Variants in RARB observed in about 807,000 individuals in gnomAD.
The protein encoded by RARB is retinoic acid receptor beta.
Under a neutral mutation model 51.9 loss-of-function variants are expected in RARB, and 17 were observed. That is an observed-to-expected ratio of 0.33 (90% confidence interval 0.22 to 0.49). RARB has a LOEUF of 0.49. RARB is among the 20% of genes least tolerant of loss of function. The pLI is 0.99. For synonymous variants in RARB, 215 were observed against 195.4 expected, an observed-to-expected ratio of 1.10 and a Z score of -0.84; for missense variants, 369 against 550.8, an observed-to-expected ratio of 0.67 and a Z score of 3.30.
intron 2 of RARB, among the ~76,000 whole-genome samples, chr3:25,017,378 T>TAAA (rs531591035): frequency 0.13 from 18,721 of 147,416 alleles, 3,838 homozygotes; most frequent in African/African-American, 0.43. Flanking sequence ...TCATCATGTT[T>TAAA]AAAAAAAAAA....
intron 2 of RARB, among the ~76,000 whole-genome samples, chr3:24,994,556 A>G (rs1696981280): frequency 6.6e-6 from 1 of 152,068 alleles, no homozygotes; most frequent in Admixed American, 6.6e-5. Context: ...GGTCTTACTC[A>G]TAAAATCATT....
At chr3:25,353,489 T>C (rs781596984) in intron 5 of RARB, among the ~76,000 whole-genome samples, 2 of 152,158 alleles carry the variant, frequency 1.3e-5, no homozygotes, top group Non-Finnish European at 2.9e-5. Context: ...TCTTGTCTTA[T>C]CTGAGTCCAG....
chr3:25,011,167 T>C (rs1022943996), intron 2 of RARB, among the ~76,000 whole-genome samples: 2 of 152,152 alleles, frequency 1.3e-5, no homozygotes, highest in African/African-American at 4.8e-5. Flanking sequence ...AAATCCCTGC[T>C]TTTATGGAAC....
At chr3:25,146,324 G>A (rs1700188929) in intron 4 of RARB, among the ~76,000 whole-genome samples, 1 of 152,048 alleles carries the variant, frequency 6.6e-6, no homozygotes, top group South Asian at 2.1e-4. Flanking sequence ...TTGGGGCTAT[G>A]GGGGGACCAC....
intron 5 of RARB, among the ~76,000 whole-genome samples, chr3:25,251,555 A>G (rs765851080): frequency 1.3e-5 from 2 of 152,100 alleles, no homozygotes. Context: ...TATCCATCCT[A>G]GTGTGTGTGA....
At chr3:25,081,663 A>C (rs1395753649) in intron 3 of RARB, among the ~76,000 whole-genome samples, 15 of 83,898 alleles carry the variant, frequency 1.8e-4, no homozygotes, top group East Asian at 4.0e-4. Context: ...ATGGAGTCTC[A>C]CTCTTGTTGC....
At position 25,105,758 on chromosome 3, in the gene RARB, A is replaced by G. The variant is rs1319372809; in HGVS notation, c.-327-26403A>G. On this transcript the variant is annotated intron_variant, in intron 3 of 11. Transcript: ENST00000383772. ...ATAGCCTGGCCAGTCTAAATCACAA[A>G]TGCACATTTGATGGTATAAGCATTG... is the stretch of plus-strand genomic sequence containing the variant. Among the ~76,000 whole-genome samples the G allele has an allele frequency of 6.6e-5, 10 of 152,312 alleles. 1 individual carries two copies. The highest frequency in any genetic ancestry group is 2.9e-5 in the Non-Finnish European group (2 of 68,030).
At chr3:25,469,192 A>G (rs1324922879) in intron 2 of RARB, among the ~76,000 whole-genome samples, 12 of 152,248 alleles carry the variant, frequency 7.9e-5, no homozygotes, top group African/African-American at 2.9e-4. Context: ...GGCAGACAGC[A>G]AGCAGAATGT....
At chr3:25,140,011 A>T (rs1269176297) in intron 4 of RARB, among the ~76,000 whole-genome samples, 1 of 151,902 alleles carries the variant, frequency 6.6e-6, no homozygotes, top group Admixed American at 6.6e-5. Context: ...TCAGAAAAAG[A>T]TTTTCCTTCA....
chr3:24,939,192 C>G (rs542743156), intron 2 of RARB, among the ~76,000 whole-genome samples: 3 of 152,240 alleles, frequency 2.0e-5, no homozygotes, highest in African/African-American at 7.2e-5. Flanking sequence ...TTGTGTTGGC[C>G]AGGCTTCTCT....
intron 5 of RARB, among the ~76,000 whole-genome samples, chr3:25,257,839 C>G (rs1169773654): frequency 6.6e-6 from 1 of 152,218 alleles, no homozygotes; most frequent in East Asian, 1.9e-4. Flanking sequence ...CTTTAAAACA[C>G]CCCAAATACC....
chr3:25,484,727 G>A (rs575618884), intron 2 of RARB, among the ~76,000 whole-genome samples: 6 of 152,230 alleles, frequency 3.9e-5, no homozygotes, highest in Admixed American at 3.9e-4. Flanking sequence ...TTGCAGCTAA[G>A]TCTCTGGCCC....
At chr3:25,129,017 A>C (rs1049879218) in intron 3 of RARB, among the ~76,000 whole-genome samples, 1 of 152,160 alleles carries the variant, frequency 6.6e-6, no homozygotes, top group African/African-American at 2.4e-5. Flanking sequence ...TTCCAATGTA[A>C]GTTCTAATGA....
chr3:24,930,930 C>G (rs1030431955), intron 2 of RARB, among the ~76,000 whole-genome samples: 2 of 152,090 alleles, frequency 1.3e-5, no homozygotes, highest in Non-Finnish European at 2.9e-5. Flanking sequence ...GGAGGCTTTC[C>G]TCAGCCCAAG....
At chr3:25,333,882 C>G (rs1704979749) in intron 5 of RARB, among the ~76,000 whole-genome samples, 1 of 152,180 alleles carries the variant, frequency 6.6e-6, no homozygotes. Flanking sequence ...TGAACAGACA[C>G]TTCTCAAAAG....
intron 2 of RARB, among the ~76,000 whole-genome samples, chr3:25,475,831 T>C (rs975596507): frequency 2.0e-5 from 3 of 152,242 alleles, no homozygotes; most frequent in Non-Finnish European, 4.4e-5. Context: ...ACATCCTTTC[T>C]TCCATTCACA....
chr3:25,567,720 C>T (rs947908957), intron 3 of RARB, among the ~76,000 whole-genome samples: 16 of 152,118 alleles, frequency 1.1e-4, no homozygotes, highest in African/African-American at 3.6e-4. Flanking sequence ...GAAAAACTGC[C>T]GAGTACTCTT....
At chr3:25,063,032 C>T (rs78589176) in intron 3 of RARB, among the ~76,000 whole-genome samples, 179 of 151,814 alleles carry the variant, frequency 1.2e-3, no homozygotes, top group East Asian at 7.9e-3. Flanking sequence ...GCTTTTCAGA[C>T]GAGAACTGTG....
At chr3:24,897,724 A>C (rs1447799562) in intron 2 of RARB, among the ~76,000 whole-genome samples, 1 of 146,582 alleles carries the variant, frequency 6.8e-6, no homozygotes, top group Non-Finnish European at 1.5e-5. Context: ...CCATCACAGT[A>C]TTTTCCATAG....
Sources: gnomAD v4.1 joint callset for allele counts (sites outside exome capture counted in the v4.1 genomes callset) on GRCh38, gnomAD v4.1.1 for gene constraint, MANE v1.5 for transcripts, NCBI Gene and HGNC (gene_info 2026-07-23, HGNC 2026-07-21) for gene names.